FREM3: variants seen among roughly 807,000 people sequenced by gnomAD.
The protein encoded by FREM3 is FRAS1-related extracellular matrix protein 3.
FREM3 carries 105 observed loss-of-function variants against 129.1 expected under a neutral mutation model. That is an observed-to-expected ratio of 0.81 (90% CI 0.69 to 0.96). The LOEUF (loss-of-function observed/expected upper bound fraction) is 0.96, where lower values mean the gene tolerates loss of function less well. Ranked by LOEUF, FREM3 falls within the 40% of genes least tolerant of loss-of-function variation. The pLI, the probability that FREM3 is intolerant of heterozygous loss-of-function variation, is 0.00. For synonymous variants in FREM3, 1,014 were observed against 1,044.9 expected (o/e 0.97, Z 0.57); for missense variants, 2,593 against 2,666.3 (o/e 0.97, Z 0.61).
chr4:143,650,203 T>C (rs1280473645), intron 2 of FREM3, among the ~76,000 whole-genome samples: 1 of 152,224 alleles, frequency 6.6e-6, no homozygotes, highest in Non-Finnish European at 1.5e-5. Flanking sequence ...AGTGTAGACC[T>C]AAAAATCTGA....
chr4:143,580,935 A>T (rs1738131826), intron 7 of FREM3, among the ~76,000 whole-genome samples: 1 of 152,090 alleles, frequency 6.6e-6, no homozygotes, highest in Non-Finnish European at 1.5e-5. Flanking sequence ...CCGACCTGGG[A>T]CACCAGCCAC....
At chr4:143,587,834 T>A (rs1738268942) in intron 6 of FREM3, among the ~76,000 whole-genome samples, 1 of 152,232 alleles carries the variant, frequency 6.6e-6, no homozygotes, top group African/African-American at 2.4e-5. Flanking sequence ...AGATATATTC[T>A]GGCTGATCAC....
chr4:143,627,162 AC>A (rs1481190583), intron 3 of FREM3, among the ~76,000 whole-genome samples: 1 of 152,180 alleles, frequency 6.6e-6, no homozygotes, highest in East Asian at 1.9e-4. Context: ...GGAATTTATA[AC>A]CTACTAGCAA....
At position 143,700,590 on chromosome 4, in the gene FREM3, A is replaced by T; in HGVS notation, c.86T>A (p.Leu29Gln). ...CCCAAGTGAGGATGCCCGTCCCTGC[A>T]GCGCGGGGCGACTCAAGAGCAGGCA... Reference protein sequence around the residue: ...LACLLLSRPALQGRASSLGTE... With the variant: ...LACLLLSRPAQQGRASSLGTE... Residue 29 changes from leucine to glutamine, a missense_variant, in exon 1 of 8, where the codon CTG becomes CAG. This residue lies in a region of FREM3 where 2,276 missense variants were observed against 2,267.2 expected (regional missense o/e 1.00). Transcript: ENST00000329798. 1 of 1,478,878 alleles carries T rather than the reference A, an allele frequency of 6.8e-7. No homozygotes were observed. The highest frequency in any genetic ancestry group is 9.0e-7 in the Non-Finnish European group (1 of 1,115,758). The allele number at this position is 1,478,878 out of a possible 1,614,324, so 91.6% of individuals were successfully genotyped here. A position where few individuals can be genotyped will look rare whatever the true frequency, so the allele number is the denominator to read the frequency against.
intron 6 of FREM3, among the ~76,000 whole-genome samples, chr4:143,593,578 C>G (rs1465438133): frequency 3.3e-5 from 5 of 152,172 alleles, no homozygotes; most frequent in African/African-American, 1.2e-4. Context: ...ATGCTGCTGC[C>G]TGATCGTTCC....
chr4:143,625,572 T>C (rs1219388827), intron 3 of FREM3, among the ~76,000 whole-genome samples: 1 of 152,200 alleles, frequency 6.6e-6, no homozygotes, highest in Non-Finnish European at 1.5e-5. Flanking sequence ...GAGCCTCCTT[T>C]GGCCACATGT....
chr4:143,588,816 C>T (rs572768577), intron 6 of FREM3, among the ~76,000 whole-genome samples: 1 of 150,272 alleles, frequency 6.7e-6, no homozygotes, highest in East Asian at 1.9e-4. Context: ...GAGGAATCGC[C>T]ACACTGACTT....
rs956813291 is a variant in FREM3 at position 143,699,203 on chromosome 4, C to G, written c.1473G>C (p.Lys491Asn). 2.5e-5 allele frequency: 39 copies of G among 1,537,216 alleles called. No individual in the cohort carries two copies. In the Middle Eastern group the frequency reaches 5.0e-4, roughly 20 times the overall value. Residue 491 changes from lysine to asparagine, a missense_variant, in exon 1 of 8, where the codon AAG (lysine) becomes AAC (asparagine). Physicochemically the swap from Lys to Asn is moderately conservative, Grantham distance 94. Around this residue, in one of 2 missense-constraint regions of FREM3, gnomAD observed 2,276 missense variants for 2,267.2 expected, o/e 1.00. Transcript: ENST00000329798. The surrounding 1 kb of genome is among the most constrained non-coding windows in gnomAD (Gnocchi z 4.2). Reference sequence around the variant, plus strand: ...CTGCCAGGTCCGCTGGTGTGAAATACTTGCACCCAGCAGGTGCCCCAAACA... The same window carrying G: ...CTGCCAGGTCCGCTGGTGTGAAATAGTTGCACCCAGCAGGTGCCCCAAACA... ...LVVFGAPAGC[K>N]YFTPADLAAG...
intron 2 of FREM3, among the ~76,000 whole-genome samples, chr4:143,662,771 A>T (rs1025674088): frequency 6.6e-6 from 1 of 151,806 alleles, no homozygotes; most frequent in African/African-American, 2.4e-5. Flanking sequence ...GTGCTCCTGT[A>T]TTGGGTGTAT....
Position 143,696,858 on chromosome 4 carries a change from G to A in FREM3, c.3818C>T (p.Ser1273Leu). The A allele has an allele frequency of 6.5e-7, 1 of 1,537,688 alleles. No individual in the cohort carries two copies. Among genetic ancestry groups the A allele is most frequent in the Non-Finnish European group, 8.7e-7 (1 of 1,147,026 alleles). The change falls in exon 1 of 8, where the codon TCA (serine) becomes TTA (leucine). Residue 1273 changes from serine to leucine, a missense_variant. By Grantham distance (145) the Ser-to-Leu change is moderately radical. Around this residue, in one of 2 missense-constraint regions of FREM3, gnomAD observed 2,276 missense variants for 2,267.2 expected, o/e 1.00. Coordinates refer to ENST00000329798, the MANE Select transcript of FREM3 (RefSeq NM_001168235.2). ...ASTIVYEHDD[S>L]ETKEDSFEVW... is the part of the protein sequence containing the mutation. Reference sequence around the variant, plus strand: ...CTCAAAACTGTCCTCTTTTGTCTCTGAGTCATCATGCTCATACACAATGGT... The same window carrying A: ...CTCAAAACTGTCCTCTTTTGTCTCTAAGTCATCATGCTCATACACAATGGT...
At chr4:143,687,658 T>C (rs1372304722) in intron 2 of FREM3, among the ~76,000 whole-genome samples, 1 of 152,158 alleles carries the variant, frequency 6.6e-6, no homozygotes, top group African/African-American at 2.4e-5. Context: ...AAAAAGATAA[T>C]CTACCATGAT....
Position 143,697,815 on chromosome 4 carries a change from TC to T in FREM3, c.2860del (p.Asp954MetfsTer4). On this transcript the variant is annotated frameshift_variant, in exon 1 of 8. Transcript: ENST00000329798. LOFTEE classifies it high-confidence loss of function. ...RISLRSSSLL[D>X]VSIDVLENKA... ...ATTCTCTAGTACGTCTATAGAAACA[TC>T]CAATAATGAACTACTTCTGAGAGAG... 1 of 1,537,658 alleles carries T rather than the reference TC, an allele frequency of 6.5e-7. No homozygotes were observed. Among genetic ancestry groups the T allele is most frequent in the Non-Finnish European group, 8.7e-7 (1 of 1,146,984 alleles).
At chr4:143,657,604 A>C (rs1739624463) in intron 2 of FREM3, among the ~76,000 whole-genome samples, 1 of 152,220 alleles carries the variant, frequency 6.6e-6, no homozygotes. Flanking sequence ...CAGTGATCTG[A>C]ATTGTAGCAC....
Position 143,697,103 on chromosome 4 carries a change from A to G in FREM3, c.3573T>C (p.Asp1191=), listed in dbSNP as rs771638332. 13 of 1,537,746 alleles carry G rather than the reference A, an allele frequency of 8.5e-6. No homozygotes were observed. In the South Asian group the frequency reaches 1.3e-4, roughly 15 times the overall value. The change falls in exon 1 of 8, where the codon GAT becomes GAC. Residue 1191 remains aspartate (D), a synonymous_variant. Coordinates refer to ENST00000329798, the MANE Select transcript of FREM3 (RefSeq NM_001168235.2). ...FFPIIILPTN[D]EQPKLFAHEF... Reference sequence around the variant, plus strand: ...CATGGGCAAAAAGTTTAGGCTGCTCATCATTGGTGGGTAGGATGATTATAG... The same window carrying G: ...CATGGGCAAAAAGTTTAGGCTGCTCGTCATTGGTGGGTAGGATGATTATAG...
intron 2 of FREM3, among the ~76,000 whole-genome samples, chr4:143,640,146 C>T (rs1739299415): frequency 6.6e-6 from 1 of 152,160 alleles, no homozygotes; most frequent in Non-Finnish European, 1.5e-5. Context: ...GCACATACTT[C>T]CTTTTTGCAC....
intron 2 of FREM3, among the ~76,000 whole-genome samples, chr4:143,692,841 A>G (rs970652199): frequency 6.6e-6 from 1 of 152,194 alleles, no homozygotes; most frequent in Non-Finnish European, 1.5e-5. Context: ...ATATGATGTC[A>G]CACATGATCC....
intron 5 of FREM3, among the ~76,000 whole-genome samples, chr4:143,617,907 C>A (rs1738879193): frequency 6.6e-6 from 1 of 152,178 alleles, no homozygotes; most frequent in South Asian, 2.1e-4. Flanking sequence ...TGTACTCATG[C>A]TTTGCTCTGG....
chr4:143,584,150 C>A (rs963195127), intron 7 of FREM3, among the ~76,000 whole-genome samples: 3 of 152,192 alleles, frequency 2.0e-5, no homozygotes, highest in African/African-American at 7.2e-5. Flanking sequence ...TGGCTCACGC[C>A]TGTAATCCCA....
chr4:143,646,967 C>T (rs1243736068), intron 2 of FREM3, among the ~76,000 whole-genome samples: 1 of 152,030 alleles, frequency 6.6e-6, no homozygotes, highest in African/African-American at 2.4e-5. Context: ...TTTAGAACTT[C>T]CTAGAGACTT....
Sources: allele counts gnomAD v4.1 joint callset (sites outside exome capture counted in the v4.1 genomes callset), GRCh38; gene constraint gnomAD v4.1.1; regional missense constraint gnomAD v4.1.1; non-coding constraint Gnocchi (gnomAD v3.1); transcripts MANE v1.5; gene names NCBI Gene and HGNC (gene_info 2026-07-23, HGNC 2026-07-21).